The following MAGI1 variants were observed in gnomAD, a reference collection of about 807,000 sequenced individuals.
The protein encoded by MAGI1 is membrane-associated guanylate kinase, WW and PDZ domain-containing protein 1.
MAGI1 carries 58 observed loss-of-function variants against 139.9 expected under a neutral mutation model. The observed-to-expected ratio is 0.41, with a 90% CI of 0.34 to 0.52. MAGI1 has a LOEUF of 0.52. Ranked by LOEUF, MAGI1 falls within the 20% of genes least tolerant of loss-of-function variation. The probability of loss-of-function intolerance (pLI) is 0.12; values close to 1 mark genes in which losing one functional copy is unlikely to be tolerated. For missense variants in MAGI1, 1,874 were observed against 1,901.6 expected (o/e 0.99, Z 0.27); for synonymous variants, 812 against 737.9 (o/e 1.10, Z -1.63).
chr3:65,644,720 A>G (rs1416895892), intron 1 of MAGI1, among the ~76,000 whole-genome samples: 3 of 152,122 alleles, frequency 2.0e-5, no homozygotes, highest in African/African-American at 7.2e-5. Flanking sequence ...ATTAAAGGCC[A>G]CGCACAGTGG....
intron 12 of MAGI1, among the ~76,000 whole-genome samples, chr3:65,404,674 T>G (rs899860772): frequency 3.3e-5 from 5 of 152,232 alleles, no homozygotes; most frequent in Non-Finnish European, 5.9e-5. Flanking sequence ...TAATTTATTT[T>G]AGCCCAAACT....
chr3:65,745,611 A>T (rs1393248713), intron 1 of MAGI1, among the ~76,000 whole-genome samples: 4 of 152,142 alleles, frequency 2.6e-5, no homozygotes, highest in African/African-American at 9.6e-5. Flanking sequence ...AACACATAAC[A>T]CACATTAAAA....
At chr3:65,459,515 C>T (rs1378427898) in intron 5 of MAGI1, among the ~76,000 whole-genome samples, 9 of 152,106 alleles carry the variant, frequency 5.9e-5, no homozygotes, top group Non-Finnish European at 7.4e-5. Flanking sequence ...TTTCTTTGTA[C>T]GTTTCTCATG....
At chr3:65,424,541 C>G (rs1946867514) in intron 12 of MAGI1, among the ~76,000 whole-genome samples, 1 of 152,144 alleles carries the variant, frequency 6.6e-6, no homozygotes, top group African/African-American at 2.4e-5. Flanking sequence ...AGGACAATTT[C>G]ACTTCCATTA....
chr3:65,359,044 G>C (rs1241485629), intron 22 of MAGI1: 1 of 1,604,576 alleles, frequency 6.2e-7, no homozygotes, highest in Non-Finnish European at 8.5e-7. Flanking sequence ...GAAACACCTA[G>C]TATTGATTGA....
intron 1 of MAGI1, among the ~76,000 whole-genome samples, chr3:65,676,261 G>C (rs181862368): frequency 1.3e-5 from 2 of 152,218 alleles, no homozygotes; most frequent in East Asian, 3.9e-4. Context: ...GATGAGGATA[G>C]ATGCAAACTG....
intron 1 of MAGI1, among the ~76,000 whole-genome samples, chr3:65,715,080 G>C (rs2032060891): frequency 6.6e-6 from 1 of 152,024 alleles, no homozygotes; most frequent in Non-Finnish European, 1.5e-5. Context: ...AAGAAGGTGG[G>C]AAATCTAAAT....
chr3:65,988,020 G>A (rs2065970183), intron 1 of MAGI1, among the ~76,000 whole-genome samples: 2 of 152,188 alleles, frequency 1.3e-5, no homozygotes, highest in African/African-American at 4.8e-5. Context: ...CTGAAAACGG[G>A]TTGAAGATAT....
chr3:65,928,382 C>A (rs909742687), intron 1 of MAGI1, among the ~76,000 whole-genome samples: 1 of 152,180 alleles, frequency 6.6e-6, no homozygotes, highest in African/African-American at 2.4e-5. Context: ...CTTGAGGCAA[C>A]AAGAATATAA....
chr3:65,474,727 A>T (rs768053266), intron 4 of MAGI1, among the ~76,000 whole-genome samples: 2 of 152,108 alleles, frequency 1.3e-5, no homozygotes, highest in Non-Finnish European at 2.9e-5. Context: ...TAAATTATAC[A>T]TGCTTTTAGG....
At chr3:65,756,723 A>G (rs147899554) in intron 1 of MAGI1, among the ~76,000 whole-genome samples, 1 of 152,306 alleles carries the variant, frequency 6.6e-6, no homozygotes, top group African/African-American at 2.4e-5. Flanking sequence ...TCCAGATGAC[A>G]TATTCGGAAG....
chr3:65,396,038 C>T (rs1944370230), intron 13 of MAGI1, among the ~76,000 whole-genome samples: 1 of 151,936 alleles, frequency 6.6e-6, no homozygotes. Flanking sequence ...ACTTTGTTGC[C>T]AAATTCAACA....
chr3:65,724,125 G>A (rs1338595787), intron 1 of MAGI1, among the ~76,000 whole-genome samples: 4 of 152,208 alleles, frequency 2.6e-5, no homozygotes, highest in African/African-American at 9.6e-5. Flanking sequence ...ATGTCCTCGA[G>A]CTTTCTTCCA....
chr3:65,429,561 C>A lies in MAGI1; in HGVS notation c.2126G>T (p.Cys709Phe). ...CAATGTGACCTCACTTCCCTTAGGA[C>A]ACTCAACCAGCATATCCACCACTTG... Reference protein sequence around the residue: ...HNQVVDMLVECPKGSEVTLLV... With the variant: ...HNQVVDMLVEFPKGSEVTLLV... Residue 709 changes from cysteine (C) to phenylalanine (F), a missense_variant, in exon 12 of 23, where the codon TGT (cysteine) becomes TTT (phenylalanine). Physicochemically the swap from Cys to Phe is radical, Grantham distance 205 (BLOSUM62 -2). Coordinates refer to ENST00000402939, the MANE Select transcript of MAGI1 (RefSeq NM_001033057.2). 6.2e-7 allele frequency: 1 copy of A among 1,613,850 alleles called. No homozygotes were observed. Among genetic ancestry groups the A allele is most frequent in the Non-Finnish European group, 8.5e-7 (1 of 1,179,868 alleles).
Position 65,482,460 on chromosome 3 carries a change from C to CAATA in MAGI1, c.551-3666_551-3663dup, listed in dbSNP as rs1951350866. ...CTGAGCACTAAGCAAGCAAACCTGT[C>CAATA]AATAACCAAATAACCAAGTCTTCTA... On this transcript the variant is annotated intron_variant, in intron 3 of 22. Coordinates refer to ENST00000402939, the MANE Select transcript of MAGI1 (RefSeq NM_001033057.2). Among the ~76,000 whole-genome samples the CAATA allele has an allele frequency of 5.9e-5, 9 of 152,288 alleles. No individual in the cohort carries two copies. In the South Asian group the frequency reaches 1.9e-3, roughly 32 times the overall value.
intron 1 of MAGI1, among the ~76,000 whole-genome samples, chr3:65,756,319 G>C (rs1181668451): frequency 6.6e-6 from 1 of 152,112 alleles, no homozygotes; most frequent in African/African-American, 2.4e-5. Flanking sequence ...GGTGCATGTC[G>C]GTGTGGATGA....
chr3:65,652,217 ATT>A (rs2085625208), intron 1 of MAGI1, among the ~76,000 whole-genome samples: 1 of 152,140 alleles, frequency 6.6e-6, no homozygotes, highest in Non-Finnish European at 1.5e-5. Flanking sequence ...CACTGTAAAA[ATT>A]TTTGTTTTCA....
intron 1 of MAGI1, among the ~76,000 whole-genome samples, chr3:65,770,227 T>C (rs2037838496): frequency 6.6e-6 from 1 of 152,222 alleles, no homozygotes; most frequent in Non-Finnish European, 1.5e-5. Flanking sequence ...TCCCAGAGAC[T>C]CTATGACTTC....
chr3:65,786,375 C>G (rs930488245), intron 1 of MAGI1, among the ~76,000 whole-genome samples: 9 of 150,842 alleles, frequency 6.0e-5, no homozygotes, highest in Non-Finnish European at 1.0e-4. Context: ...GACATGATCA[C>G]AGCTCACTGC....
Sources: allele counts gnomAD v4.1 joint callset (sites outside exome capture counted in the v4.1 genomes callset), GRCh38; gene constraint gnomAD v4.1.1; transcripts MANE v1.5; gene names NCBI Gene and HGNC (gene_info 2026-07-23, HGNC 2026-07-21).